The following NWD2 variants were observed in gnomAD, a reference collection of about 807,000 sequenced individuals.
The protein encoded by NWD2 is NACHT and WD repeat domain containing 2, also known as NACHT and WD repeat domain-containing protein 2.
A neutral mutation model predicts 132.7 loss-of-function variants in NWD2; 37 were observed. That is an observed-to-expected ratio of 0.28 (90% CI 0.21 to 0.37). The LOEUF (loss-of-function observed/expected upper bound fraction) is 0.37, where lower values mean the gene tolerates loss of function less well. NWD2 is among the 10% of genes least tolerant of loss of function. NWD2 has a pLI of 1.00. For missense variants in NWD2, 1,592 were observed against 2,122.4 expected (o/e 0.75, Z 4.91); for synonymous variants, 705 against 803.0 (o/e 0.88, Z 2.06).
At chr4:37,422,703 G>A (rs1711859050) in intron 3 of NWD2, among the ~76,000 whole-genome samples, 1 of 152,142 alleles carries the variant, frequency 6.6e-6, no homozygotes, top group Non-Finnish European at 1.5e-5. Context: ...TGATTCTCAT[G>A]ATGCACCAGA....
At chr4:37,363,857 C>G (rs1178915183) in intron 3 of NWD2, among the ~76,000 whole-genome samples, 3 of 152,088 alleles carry the variant, frequency 2.0e-5, no homozygotes, top group Non-Finnish European at 4.4e-5. Flanking sequence ...GGCGCAGTGG[C>G]TCAGGCCTGT....
intron 1 of NWD2, among the ~76,000 whole-genome samples, chr4:37,312,078 G>C (rs1327556994): frequency 4.0e-5 from 6 of 151,758 alleles, no homozygotes; most frequent in Non-Finnish European, 8.8e-5. Flanking sequence ...CTCCAGCTTT[G>C]TTCTTTTGGC....
At chr4:37,323,545 C>T (rs536295589) in intron 1 of NWD2, among the ~76,000 whole-genome samples, 23 of 151,902 alleles carry the variant, frequency 1.5e-4, no homozygotes, top group African/African-American at 3.4e-4. Context: ...AAACAACAGG[C>T]GCTGGCAAGG....
At chr4:37,275,185 C>T (rs539972432) in intron 1 of NWD2, among the ~76,000 whole-genome samples, 21 of 152,272 alleles carry the variant, frequency 1.4e-4, no homozygotes, top group Non-Finnish European at 2.5e-4. Context: ...AAAACCCCAT[C>T]GTCTTAGCCC....
chr4:37,424,574 G>A (rs746232472), intron 3 of NWD2, among the ~76,000 whole-genome samples: 1 of 152,218 alleles, frequency 6.6e-6, no homozygotes, highest in Non-Finnish European at 1.5e-5. Flanking sequence ...CAGTGATTAG[G>A]TTGGGAGAAT....
At chr4:37,275,613 C>T (rs370199347) in intron 1 of NWD2, among the ~76,000 whole-genome samples, 24,569 of 151,944 alleles carry the variant, frequency 0.16, 2,538 homozygotes, top group South Asian at 0.32. Context: ...GAGCCCACAT[C>T]GCCAAGTCAA....
intron 2 of NWD2, among the ~76,000 whole-genome samples, chr4:37,348,210 C>G (rs1421883174): frequency 2.6e-5 from 4 of 152,180 alleles, no homozygotes; most frequent in African/African-American, 7.2e-5. Flanking sequence ...AAGTTGAATT[C>G]TAGTTGGCTA....
rs550875489 is a variant in NWD2 at position 37,307,664 on chromosome 4, T to C, written c.152-18272T>C. On this transcript the variant is annotated intron_variant, in intron 1 of 6. Coordinates refer to ENST00000309447, the MANE Select transcript of NWD2 (RefSeq NM_001144990.2). ...TCCTGTATCTGAATATCCATATTTCTTCCCAAAACTTGGAAGTTTTTAGCA... is the reference window on the plus strand; with the variant it reads ...TCCTGTATCTGAATATCCATATTTCCTCCCAAAACTTGGAAGTTTTTAGCA... Among the ~76,000 whole-genome samples, 5 of 152,342 alleles carry C rather than the reference T, an allele frequency of 3.3e-5. No homozygotes were observed. In the South Asian group the frequency reaches 1.0e-3, roughly 32 times the overall value.
chr4:37,260,034 A>G (rs1717596878), intron 1 of NWD2, among the ~76,000 whole-genome samples: 1 of 152,186 alleles, frequency 6.6e-6, no homozygotes, highest in African/African-American at 2.4e-5. Flanking sequence ...TCTCTATAAC[A>G]TTATTTTTAT....
At chr4:37,257,861 A>G (rs1006453387) in intron 1 of NWD2, among the ~76,000 whole-genome samples, 2 of 152,232 alleles carry the variant, frequency 1.3e-5, no homozygotes, top group African/African-American at 4.8e-5. Context: ...AAAGCTACCT[A>G]CCAAAAAGGA....
chr4:37,313,728 T>G (rs1019767255), intron 1 of NWD2, among the ~76,000 whole-genome samples: 14 of 151,044 alleles, frequency 9.3e-5, no homozygotes, highest in Admixed American at 5.2e-4. Context: ...AGATGGAGAC[T>G]TACTCTGTCA....
chr4:37,338,845 C>T (rs1357437684), intron 2 of NWD2, among the ~76,000 whole-genome samples: 1 of 152,206 alleles, frequency 6.6e-6, no homozygotes, highest in Non-Finnish European at 1.5e-5. Flanking sequence ...TCTTAACTGT[C>T]TTCCTGCCTG....
intron 6 of NWD2, among the ~76,000 whole-genome samples, chr4:37,440,698 T>C (rs1006760885): frequency 6.6e-6 from 1 of 152,124 alleles, no homozygotes; most frequent in Non-Finnish European, 1.5e-5. Flanking sequence ...CTGTTAACAG[T>C]AGCAAAACTG....
intron 1 of NWD2, among the ~76,000 whole-genome samples, chr4:37,318,600 C>T (rs866425890): frequency 6.6e-4 from 101 of 152,210 alleles, no homozygotes; most frequent in African/African-American, 2.3e-3. Flanking sequence ...CCCTACCTCC[C>T]CCACAGAAGT....
intron 1 of NWD2, among the ~76,000 whole-genome samples, chr4:37,263,097 C>T (rs187594844): frequency 2.0e-5 from 3 of 152,200 alleles, no homozygotes; most frequent in East Asian, 1.9e-4. Context: ...ATTTTGCAGC[C>T]GCTGTGATGT....
At chr4:37,409,526 C>T (rs1221910149) in intron 3 of NWD2, among the ~76,000 whole-genome samples, 4 of 152,008 alleles carry the variant, frequency 2.6e-5, no homozygotes, top group African/African-American at 7.2e-5. Context: ...ACCAAATCTA[C>T]GTGTGATTGG....
At chr4:37,320,111 G>T (rs939326699) in intron 1 of NWD2, among the ~76,000 whole-genome samples, 9 of 152,168 alleles carry the variant, frequency 5.9e-5, no homozygotes, top group African/African-American at 2.2e-4. Context: ...CCATGAGCAT[G>T]GGATGTTTTT....
intron 1 of NWD2, among the ~76,000 whole-genome samples, chr4:37,324,459 T>C (rs1450038005): frequency 2.0e-5 from 3 of 152,126 alleles, no homozygotes; most frequent in African/African-American, 4.8e-5. Flanking sequence ...TTGAATATTA[T>C]AGGCTTTATT....
At chr4:37,315,101 A>C (rs1231390083) in intron 1 of NWD2, among the ~76,000 whole-genome samples, 2 of 152,118 alleles carry the variant, frequency 1.3e-5, no homozygotes, top group African/African-American at 2.4e-5. Context: ...GCTTCCCAAA[A>C]TGCAGGTTGT....
Sources: gnomAD v4.1 joint callset for allele counts (sites outside exome capture counted in the v4.1 genomes callset) on GRCh38, gnomAD v4.1.1 for gene constraint, MANE v1.5 for transcripts, NCBI Gene and HGNC (gene_info 2026-07-23, HGNC 2026-07-21) for gene names.